The following KIF16B variants were observed in gnomAD, a reference collection of about 807,000 sequenced individuals.
The protein encoded by KIF16B is kinesin family member 16B.
In KIF16B, 98 loss-of-function variants were observed where a neutral mutation model predicts 156.3. That is an observed-to-expected ratio of 0.63 (90% CI 0.53 to 0.74). The LOEUF (loss-of-function observed/expected upper bound fraction) is 0.74, where lower values mean the gene tolerates loss of function less well. Ranked by LOEUF, KIF16B falls within the 30% of genes least tolerant of loss-of-function variation. The pLI is 0.00. For missense variants in KIF16B, 1,421 were observed against 1,606.5 expected (o/e 0.88, Z 1.97); for synonymous variants, 564 against 583.7 (o/e 0.97, Z 0.49).
intron 25 of KIF16B, among the ~76,000 whole-genome samples, chr20:16,276,697 A>C (rs961658599): frequency 6.6e-6 from 1 of 152,148 alleles, no homozygotes; most frequent in Admixed American, 6.5e-5. Context: ...TGAAAAAAAA[A>C]CAAGGGACTG....
At chr20:16,487,402 C>T (rs529318650) in intron 12 of KIF16B, among the ~76,000 whole-genome samples, 5 of 152,296 alleles carry the variant, frequency 3.3e-5, no homozygotes, top group Non-Finnish European at 7.4e-5. Context: ...GTTCCACAAA[C>T]CTGACCCGCC....
At chr20:16,428,421 G>T (rs975079918) in intron 14 of KIF16B, among the ~76,000 whole-genome samples, 2 of 152,022 alleles carry the variant, frequency 1.3e-5, no homozygotes, top group Non-Finnish European at 2.9e-5. Context: ...AGCCTGTAAG[G>T]ACCTCATCTG....
chr20:16,495,590 A>C (rs2068426997), intron 11 of KIF16B, among the ~76,000 whole-genome samples: 1 of 152,200 alleles, frequency 6.6e-6, no homozygotes, highest in South Asian at 2.1e-4. Context: ...TTTACTACTT[A>C]TTAGTGCCAA....
At chr20:16,473,217 T>C (rs932461735) in intron 12 of KIF16B, among the ~76,000 whole-genome samples, 1 of 152,206 alleles carries the variant, frequency 6.6e-6, no homozygotes, top group Non-Finnish European at 1.5e-5. Context: ...AGCAGGCCCC[T>C]CTACTCATCA....
At chr20:16,396,063 T>C (rs959762728) in intron 17 of KIF16B, among the ~76,000 whole-genome samples, 1 of 152,096 alleles carries the variant, frequency 6.6e-6, no homozygotes, top group Non-Finnish European at 1.5e-5. Context: ...GCCCAATAAC[T>C]TGTGATAGTT....
intron 25 of KIF16B, among the ~76,000 whole-genome samples, chr20:16,276,178 C>T (rs1245367146): frequency 6.6e-6 from 1 of 152,186 alleles, no homozygotes; most frequent in African/African-American, 2.4e-5. Context: ...CAATTTAAAT[C>T]TGGGAGCAGA....
At chr20:16,550,938 A>T (rs1420591485) in intron 1 of KIF16B, among the ~76,000 whole-genome samples, 1 of 152,148 alleles carries the variant, frequency 6.6e-6, no homozygotes, top group African/African-American at 2.4e-5. Context: ...AATATTTTAC[A>T]TGAGAGCCTG....
intron 2 of KIF16B, among the ~76,000 whole-genome samples, chr20:16,527,076 G>A (rs555178533): frequency 2.3e-4 from 35 of 152,330 alleles, no homozygotes; most frequent in African/African-American, 7.9e-4. Flanking sequence ...CACTGTGAGC[G>A]TAGAAAGACA....
At chr20:16,274,121 A>C (rs2063026037) in intron 25 of KIF16B, among the ~76,000 whole-genome samples, 1 of 151,882 alleles carries the variant, frequency 6.6e-6, no homozygotes, top group Admixed American at 6.6e-5. Flanking sequence ...GTACAAGGTT[A>C]AATGTGCTGC....
intron 25 of KIF16B, among the ~76,000 whole-genome samples, chr20:16,299,003 C>CA (rs1464794265): frequency 6.6e-6 from 1 of 151,914 alleles, no homozygotes; most frequent in Non-Finnish European, 1.5e-5. Context: ...ATGATTGAAA[C>CA]ATACATGTTG....
intron 22 of KIF16B, chr20:16,368,877 A>T (rs2064746990): frequency 2.0e-6 from 2 of 985,684 alleles, no homozygotes; most frequent in African/African-American, 3.5e-5. Flanking sequence ...CTCTCAAGCC[A>T]TGTTTATCTT....
chr20:16,350,562 T>C (rs565918076), intron 23 of KIF16B, among the ~76,000 whole-genome samples: 1 of 151,928 alleles, frequency 6.6e-6, no homozygotes, highest in East Asian at 1.9e-4. Flanking sequence ...GGAGGGAAGA[T>C]GGGAGGCTTT....
At chr20:16,464,399 A>C (rs1157929554) in intron 12 of KIF16B, among the ~76,000 whole-genome samples, 1 of 152,222 alleles carries the variant, frequency 6.6e-6, no homozygotes, top group Admixed American at 6.5e-5. Context: ...AGTTTAAAAA[A>C]CAGACCCTTA....
intron 1 of KIF16B, among the ~76,000 whole-genome samples, chr20:16,548,874 G>C (rs190664885): frequency 2.0e-5 from 3 of 152,212 alleles, no homozygotes; most frequent in Admixed American, 1.3e-4. Context: ...ACGAGACGAA[G>C]ACCACTGGAA....
intron 3 of KIF16B, among the ~76,000 whole-genome samples, chr20:16,515,902 A>C (rs1331346772): frequency 2.0e-5 from 3 of 152,242 alleles, no homozygotes; most frequent in Non-Finnish European, 4.4e-5. Flanking sequence ...AGTTTACCAA[A>C]AAATATCATG....
chr20:16,348,761 T>C (rs959788990), intron 23 of KIF16B, among the ~76,000 whole-genome samples: 2 of 152,074 alleles, frequency 1.3e-5, no homozygotes, highest in African/African-American at 4.8e-5. Flanking sequence ...GCCTGTGAGG[T>C]ACAACAAAAT....
chr20:16,346,781 C>CT (rs2064242252), intron 23 of KIF16B, among the ~76,000 whole-genome samples: 2 of 152,202 alleles, frequency 1.3e-5, no homozygotes, highest in African/African-American at 4.8e-5. Context: ...TGATAAAGTG[C>CT]TTCCCCCTCT....
At chr20:16,406,326 C>T (rs2065784357) in intron 16 of KIF16B, 48 bp downstream of exon 16, 1 of 1,520,368 alleles carries the variant, frequency 6.6e-7, no homozygotes. Flanking sequence ...ACCCACTCAT[C>T]CTCACATACG....
intron 15 of KIF16B, among the ~76,000 whole-genome samples, chr20:16,416,637 T>C (rs2066094701): frequency 6.6e-6 from 1 of 150,846 alleles, no homozygotes; most frequent in South Asian, 2.1e-4. Flanking sequence ...AATACCTAGG[T>C]GATGGGTTGA....
Sources: gnomAD v4.1 joint callset for allele counts (sites outside exome capture counted in the v4.1 genomes callset) on GRCh38, gnomAD v4.1.1 for gene constraint, MANE v1.5 for transcripts, NCBI Gene and HGNC (gene_info 2026-07-23, HGNC 2026-07-21) for gene names.